GNAI3: variants seen among roughly 807,000 people sequenced by gnomAD.
GNAI3 encodes guanine nucleotide-binding protein G(i) subunit alpha-3.
A neutral mutation model predicts 41.8 loss-of-function variants in GNAI3; 12 were observed. The ratio of observed to expected loss-of-function variants is 0.29; its 90% CI spans 0.18 to 0.47. The LOEUF is 0.47. GNAI3 is among the 20% of genes least tolerant of loss of function. GNAI3 has a pLI of 1.00. For synonymous variants in GNAI3, 132 were observed against 146.5 expected (o/e 0.90, Z 0.71); for missense variants, 360 against 429.6 (o/e 0.84, Z 1.43).
intron 1 of GNAI3, among the ~76,000 whole-genome samples, chr1:109,568,862 GT>G (rs10712459): frequency 0.31 from 46,580 of 150,854 alleles, 8,987 homozygotes; most frequent in African/African-American, 0.55. Flanking sequence ...CTTGTTGTTT[GT>G]TTTTTTTTGG....
At chr1:109,591,369 GT>G (rs1008384562) in intron 7 of GNAI3, among the ~76,000 whole-genome samples, 3 of 151,926 alleles carry the variant, frequency 2.0e-5, no homozygotes, top group African/African-American at 7.3e-5. Context: ...TAACATAAGG[GT>G]AATCAAAACA....
chr1:109,591,970 G>T, intron 7 of GNAI3, 73 bp from the exon 8 acceptor site: 1 of 808,666 alleles, frequency 1.2e-6, no homozygotes, highest in Non-Finnish European at 2.0e-6. Context: ...ATAAGTAAAT[G>T]GTAATGGTCT....
In GNAI3 at chr1:109,595,584, A is replaced by G. The variant is rs1649282401; in HGVS notation, c.*3262A>G. On this transcript the variant is annotated 3_prime_UTR_variant, in exon 9 of 9. Coordinates refer to ENST00000369851, the MANE Select transcript of GNAI3 (RefSeq NM_006496.4). Reference sequence around the variant, plus strand: ...AACAGCTGGTTTTTGTAATTCATTCATTCACCCTATATTCTTATATTCTGC... The same window carrying G: ...AACAGCTGGTTTTTGTAATTCATTCGTTCACCCTATATTCTTATATTCTGC... 1 of 152,084 alleles carries G rather than the reference A, an allele frequency of 6.6e-6. No individual in the cohort carries two copies. Among genetic ancestry groups the G allele is most frequent in the South Asian group, 2.1e-4 (1 of 4,832 alleles). 9.4% of individuals were successfully genotyped at this position (152,084 alleles called of 1,614,324 possible).
chr1:109,577,749 G>A (rs1648788122), intron 3 of GNAI3, among the ~76,000 whole-genome samples: 1 of 152,198 alleles, frequency 6.6e-6, no homozygotes, highest in Non-Finnish European at 1.5e-5. Context: ...GAGACCCAGA[G>A]TTTGGCAAAA....
At chr1:109,572,537 G>A (rs1648633089) in intron 1 of GNAI3, among the ~76,000 whole-genome samples, 1 of 152,104 alleles carries the variant, frequency 6.6e-6, no homozygotes, top group African/African-American at 2.4e-5. Context: ...TTAGAGTGGT[G>A]GGGATGAAAG....
rs193100813 is a variant in GNAI3 at position 109,552,087 on chromosome 1, G to A, written c.118+3249G>A. ...TGAGGCAGGAGAATCGCTTGAACCC[G>A]GGAGGTGGAGGTTGCAGTGAGCAGA... On this transcript the variant is annotated intron_variant, in intron 1 of 8. Transcript: ENST00000369851. Among the ~76,000 whole-genome samples the A allele has an allele frequency of 6.6e-5, 10 of 152,086 alleles. No homozygotes were observed. The East Asian group carries it at 1.4e-3, about 21-fold the overall frequency.
In GNAI3 at chr1:109,597,307, C is replaced by G. The variant is rs1296019335; in HGVS notation, c.*4985C>G. 6.6e-6 allele frequency: 1 copy of G among 152,024 alleles called. No homozygotes were observed. The highest frequency in any genetic ancestry group is 1.5e-5 in the Non-Finnish European group (1 of 68,030). 9.4% of individuals were successfully genotyped at this position (152,024 alleles called of 1,614,324 possible). ...TGAAACCCCGTCTTTACTAAAAATA[C>G]AAAAATTAGCCAGGCATGGTGGTGG... On this transcript the variant is annotated 3_prime_UTR_variant, in exon 9 of 9. Coordinates refer to ENST00000369851, the MANE Select transcript of GNAI3 (RefSeq NM_006496.4).
intron 1 of GNAI3, among the ~76,000 whole-genome samples, chr1:109,560,463 CTA>C (rs1454197224): frequency 6.6e-6 from 1 of 152,068 alleles, no homozygotes; most frequent in Admixed American, 6.6e-5. Flanking sequence ...AACATGCACT[CTA>C]TATATTTTAA....
At chr1:109,578,846 G>A (rs1190780358) in intron 3 of GNAI3, among the ~76,000 whole-genome samples, 1 of 152,034 alleles carries the variant, frequency 6.6e-6, no homozygotes, top group Admixed American at 6.6e-5. Context: ...TTAATAGAAC[G>A]GGAATGTTTT....
rs1649246426 is a variant in GNAI3, at chr1:109,594,437, C to A, written c.*2115C>A. 6.6e-6 allele frequency: 1 copy of A among 152,254 alleles called. No individual in the cohort carries two copies. The highest frequency in any genetic ancestry group is 2.1e-4 in the South Asian group (1 of 4,824). 9.4% of individuals were successfully genotyped at this position (152,254 alleles called of 1,614,324 possible). ...CTGTTAAAGAAAAATAGCAGGTCCC[C>A]ATTTTTCTGCCTCTGTACCATTTAC... On this transcript the variant is annotated 3_prime_UTR_variant, in exon 9 of 9. Coordinates refer to ENST00000369851, the MANE Select transcript of GNAI3 (RefSeq NM_006496.4).
Position 109,574,002 on chromosome 1 carries a change from C to T in GNAI3, c.268C>T (p.Arg90Trp), listed in dbSNP as rs145097404. The change falls in exon 3 of 9, where the codon CGG (arginine) becomes TGG (tryptophan). Residue 90 changes from arginine to tryptophan, a missense_variant. Arg to Trp is a moderately radical substitution (Grantham distance 101). Transcript: ENST00000369851. The stretch of plus-strand genomic sequence containing the variant: ...CATTGCAATCATAAGAGCCATGGGA[C>T]GGCTAAAGATTGACTTTGGGGAAGC... ...SIIAIIRAMGRLKIDFGEAAR... is the reference protein window; with the variant it reads ...SIIAIIRAMGWLKIDFGEAAR... 1.5e-4 allele frequency: 241 copies of T among 1,610,770 alleles called. No individual in the cohort carries two copies. In the East Asian group the frequency reaches 2.8e-3, roughly 19 times the overall value.
At chr1:109,562,236 G>A (rs993339250) in intron 1 of GNAI3, among the ~76,000 whole-genome samples, 2 of 134,656 alleles carry the variant, frequency 1.5e-5, no homozygotes, top group Admixed American at 6.9e-5. Context: ...TACAAAAAAA[G>A]TATAACTATT....
chr1:109,574,109 T>G, intron 3 of GNAI3, 72 bp downstream of exon 3: 1 of 1,172,744 alleles, frequency 8.5e-7, no homozygotes, highest in Non-Finnish European at 1.2e-6. Context: ...AAATTTTTGC[T>G]TCATGTTTTA....
chr1:109,568,179 G>T (rs1415588377), intron 1 of GNAI3, among the ~76,000 whole-genome samples: 1 of 152,090 alleles, frequency 6.6e-6, no homozygotes, highest in Non-Finnish European at 1.5e-5. Flanking sequence ...TGTAATATAT[G>T]TTATTGAGGG....
intron 4 of GNAI3, among the ~76,000 whole-genome samples, chr1:109,581,966 C>G (rs1648900628): frequency 6.6e-6 from 1 of 151,972 alleles, no homozygotes; most frequent in South Asian, 2.1e-4. Flanking sequence ...TTTAATTGTC[C>G]TATGTTGGAT....
intron 3 of GNAI3, among the ~76,000 whole-genome samples, chr1:109,574,706 G>T (rs1293921441): frequency 6.6e-6 from 1 of 152,106 alleles, no homozygotes; most frequent in East Asian, 1.9e-4. Context: ...CAATATGAAG[G>T]CAGGAGATCT....
rs542180636 is a variant in GNAI3 at position 109,595,244 on chromosome 1, C to T, written c.*2922C>T. 2.0e-5 allele frequency: 3 copies of T among 152,242 alleles called. No individual in the cohort carries two copies. Among genetic ancestry groups the T allele is most frequent in the East Asian group, 3.9e-4 (2 of 5,186 alleles). The allele number at this position is 152,242 out of a possible 1,614,324, so 9.4% of individuals were successfully genotyped here. ...AGAAGAAGTATTCTTAATGGACAGT[C>T]CCCCCTAACCTTATAAATTCAGCTT... On this transcript the variant is annotated 3_prime_UTR_variant, in exon 9 of 9. Coordinates refer to ENST00000369851, the MANE Select transcript of GNAI3 (RefSeq NM_006496.4).
At chr1:109,561,888 G>T (rs1648321601) in intron 1 of GNAI3, among the ~76,000 whole-genome samples, 1 of 152,092 alleles carries the variant, frequency 6.6e-6, no homozygotes, top group Non-Finnish European at 1.5e-5. Flanking sequence ...AACTCTTAAG[G>T]CAGAGGCTGG....
intron 6 of GNAI3, 114 bp from the exon 7 acceptor site, chr1:109,586,615 C>T: frequency 1.3e-6 from 1 of 776,832 alleles, no homozygotes; most frequent in East Asian, 2.6e-5. Flanking sequence ...TGGTGTTTGA[C>T]TTATTTCCGT....
Sources: gnomAD v4.1 joint callset for allele counts (sites outside exome capture counted in the v4.1 genomes callset) on GRCh38, gnomAD v4.1.1 for gene constraint, MANE v1.5 for transcripts, NCBI Gene and HGNC (gene_info 2026-07-23, HGNC 2026-07-21) for gene names.